PIK3CD: variants seen among roughly 807,000 people sequenced by gnomAD.
PIK3CD encodes the protein phosphatidylinositol 4,5-bisphosphate 3-kinase catalytic subunit delta isoform.
In PIK3CD, 20 loss-of-function variants were observed where a neutral mutation model predicts 122.9. That is an observed-to-expected ratio of 0.16 (90% CI 0.11 to 0.24). The LOEUF is 0.24. PIK3CD is among the 10% of genes least tolerant of loss of function. PIK3CD has a pLI of 1.00. For missense variants in PIK3CD, 787 were observed against 1,406.3 expected, an observed-to-expected ratio of 0.56 and a Z score of 7.04; for synonymous variants, 596 against 593.4, an observed-to-expected ratio of 1.00 and a Z score of -0.06.
At chr1:9,698,958 CAGG>C (rs1349799948) in intron 2 of PIK3CD, among the ~76,000 whole-genome samples, 3 of 152,082 alleles carry the variant, frequency 2.0e-5, no homozygotes, top group Admixed American at 6.6e-5. Context: ...GAGGCCGATG[CAGG>C]AGGATTACTT....
the PIK3CD span, among the ~76,000 whole-genome samples, chr1:9,640,945 C>T: frequency 1.3e-5 from 2 of 152,286 alleles, no homozygotes; most frequent in East Asian, 1.9e-4. Context: ...GAGACCCACG[C>T]GGCTTCTCCT....
At chr1:9,682,730 A>C (rs967382950) in intron 1 of PIK3CD, among the ~76,000 whole-genome samples, 1 of 151,368 alleles carries the variant, frequency 6.6e-6, no homozygotes, top group African/African-American at 2.4e-5. Context: ...TTGTGTTTTT[A>C]GTAGAGACAG....
chr1:9,720,320 G>A lies in PIK3CD; in HGVS notation c.1470+78G>A. ...GGCCCTGCTCCTGGAGCTCTTCAGA[G>A]GGTGCTCCCTGGCCACGTCGGGGCT... On this transcript the variant is annotated intron_variant, in intron 11 of 23. Coordinates refer to ENST00000377346, the MANE Select transcript of PIK3CD (RefSeq NM_005026.5). The surrounding 1 kb of genome is among the most constrained non-coding windows in gnomAD (Gnocchi z 9.0). 1.3e-6 allele frequency: 2 copies of A among 1,526,172 alleles called. No homozygotes were observed. Among genetic ancestry groups the A allele is most frequent in the South Asian group, 1.2e-5 (1 of 80,844 alleles). The allele number at this position is 1,526,172 out of a possible 1,614,324, so 94.5% of individuals were successfully genotyped here.
At chr1:9,643,635 C>T in the PIK3CD span, among the ~76,000 whole-genome samples, 1 of 152,140 alleles carries the variant, frequency 6.6e-6, no homozygotes, top group South Asian at 2.1e-4. Flanking sequence ...AGGGTGCCCT[C>T]TGTGTCAGGT....
intron 1 of PIK3CD, among the ~76,000 whole-genome samples, chr1:9,659,413 A>G (rs1384575808): frequency 6.6e-6 from 1 of 152,310 alleles, no homozygotes; most frequent in East Asian, 1.9e-4. Context: ...AAAATTTACC[A>G]TCTTAAGCAT....
chr1:9,689,602 G>A lies in PIK3CD; in HGVS notation c.-137-1865G>A, dbSNP rs868683555. Among the ~76,000 whole-genome samples the A allele has an allele frequency of 4.8e-4, 72 of 150,250 alleles. 1 individual carries two copies. In the Middle Eastern group the frequency reaches 0.021, roughly 43 times the overall value. Reference sequence around the variant, plus strand: ...GCGGCGGGCCTGCCCTCCGGCCCCCGCCGGCCCCGCGCCGCTGCCCGGAGG... The same window carrying A: ...GCGGCGGGCCTGCCCTCCGGCCCCCACCGGCCCCGCGCCGCTGCCCGGAGG... On this transcript the variant is annotated intron_variant, in intron 1 of 23. Coordinates refer to ENST00000377346, the MANE Select transcript of PIK3CD (RefSeq NM_005026.5). This position sits in a 1 kb window ranked among gnomAD's most constrained non-coding sequence, Gnocchi z 6.1.
Position 9,686,362 on chromosome 1 carries a change from TTTC to T in PIK3CD, c.-137-5102_-137-5100del, listed in dbSNP as rs888706066. Among the ~76,000 whole-genome samples the T allele has an allele frequency of 3.5e-4, 50 of 144,616 alleles. 1 individual carries two copies. Among genetic ancestry groups the T allele is most frequent in the Middle Eastern group, 7.0e-3 (2 of 286 alleles). 94.9% of individuals were successfully genotyped at this position (144,616 alleles called of 152,430 possible). On this transcript the variant is annotated intron_variant, in intron 1 of 23. Transcript: ENST00000377346. ...GCAAATGCCACCATGCCAGGCTAAT[TTTC>T]TTTTTTTTTTTTTTTTAGTAGAGAC...
At chr1:9,677,707 T>G (rs2101083686) in intron 1 of PIK3CD, among the ~76,000 whole-genome samples, 1 of 152,128 alleles carries the variant, frequency 6.6e-6, no homozygotes, top group Admixed American at 6.6e-5. Flanking sequence ...GCCGTGATCT[T>G]CCAGATCGTG....
chr1:9,653,414 CCA>C (rs1644738723), intron 1 of PIK3CD: 1 of 220,920 alleles, frequency 4.5e-6, no homozygotes, highest in African/African-American at 2.3e-5. Flanking sequence ...ACTCACCAAC[CCA>C]CACAGTTTAC....
At chr1:9,667,908 G>GTTTTTTTTTT (rs745429754) in intron 1 of PIK3CD, among the ~76,000 whole-genome samples, 5 of 55,136 alleles carry the variant, frequency 9.1e-5, no homozygotes, top group South Asian at 6.8e-4. Flanking sequence ...GCTAATTTTT[G>GTTTTTTTTTT]TTTTTTTTTT....
chr1:9,639,593 C>T, the PIK3CD span, among the ~76,000 whole-genome samples: 2 of 152,190 alleles, frequency 1.3e-5, no homozygotes, highest in East Asian at 1.9e-4. Context: ...CCCCCCACCC[C>T]GGCCCCAAGG....
chr1:9,650,096 T>C (rs1644644084), upstream of PIK3CD, among the ~76,000 whole-genome samples: 1 of 151,490 alleles, frequency 6.6e-6, no homozygotes, highest in Non-Finnish European at 1.5e-5. Context: ...TCATATAACA[T>C]CCTACAAGGG....
intron 2 of PIK3CD, among the ~76,000 whole-genome samples, chr1:9,694,139 C>T (rs954457947): frequency 5.9e-5 from 9 of 152,212 alleles, no homozygotes; most frequent in Non-Finnish European, 1.0e-4. Flanking sequence ...AGCTTCCATA[C>T]AGCCTCTGGG....
In PIK3CD at chr1:9,722,311, G is replaced by A; in HGVS notation, c.2302G>A (p.Ala768Thr). Residue 768 changes from alanine (A) to threonine (T), a missense_variant, in exon 18 of 24, where the codon GCA becomes ACA. Coordinates refer to ENST00000377346, the MANE Select transcript of PIK3CD (RefSeq NM_005026.5). This position sits in a 1 kb window ranked among gnomAD's most constrained non-coding sequence, Gnocchi z 7.6. ...PLWIMYSNEE[A>T]GSGGSVGIIF... ...GTGGATCATGTACAGCAACGAGGAG[G>A]CAGGCAGCGGCGGCAGCGTGGGCAT... The A allele has an allele frequency of 6.2e-7, 1 of 1,613,712 alleles. No homozygotes were observed. The highest frequency in any genetic ancestry group is 1.3e-5 in the African/African-American group (1 of 75,032).
the PIK3CD span, among the ~76,000 whole-genome samples, chr1:9,627,348 G>A: frequency 6.6e-6 from 1 of 152,252 alleles, no homozygotes. Context: ...CAGCACAGAG[G>A]TGTGCACCTC....
At chr1:9,665,042 A>G (rs1435225117) in intron 1 of PIK3CD, among the ~76,000 whole-genome samples, 2 of 151,874 alleles carry the variant, frequency 1.3e-5, no homozygotes, top group African/African-American at 4.8e-5. Context: ...TGTCCTACAA[A>G]AAATAAAAAC....
intron 1 of PIK3CD, among the ~76,000 whole-genome samples, chr1:9,660,640 A>T (rs560563831): frequency 6.6e-6 from 1 of 152,242 alleles, no homozygotes; most frequent in African/African-American, 2.4e-5. Flanking sequence ...GAGGAATAGC[A>T]CATGGGGATA....
At chr1:9,637,972 T>C in the PIK3CD span, among the ~76,000 whole-genome samples, 1 of 151,916 alleles carries the variant, frequency 6.6e-6, no homozygotes, top group Non-Finnish European at 1.5e-5. Flanking sequence ...CCAGCCATGG[T>C]GGCAGGCGCC....
chr1:9,667,961 C>T (rs910834743), intron 1 of PIK3CD, among the ~76,000 whole-genome samples: 51 of 145,224 alleles, frequency 3.5e-4, no homozygotes, highest in Admixed American at 7.7e-4. Flanking sequence ...CCATGTTGCC[C>T]ATGATGGTCT....
Sources: allele counts gnomAD v4.1 joint callset (sites outside exome capture counted in the v4.1 genomes callset), GRCh38; gene constraint gnomAD v4.1.1; non-coding constraint Gnocchi (gnomAD v3.1); transcripts MANE v1.5; gene names NCBI Gene and HGNC (gene_info 2026-07-23, HGNC 2026-07-21).